SOBP: variants seen among roughly 807,000 people sequenced by gnomAD.
The protein encoded by SOBP is sine oculis-binding protein homolog.
A neutral mutation model predicts 53.6 loss-of-function variants in SOBP; 4 were observed. The observed-to-expected ratio is 0.07, with a 90% CI of 0.04 to 0.17. The LOEUF is 0.17. SOBP is among the 10% of genes least tolerant of loss of function. The pLI is 1.00. For synonymous variants in SOBP, 584 were observed against 522.6 expected (o/e 1.12, Z -1.60); for missense variants, 1,088 against 1,204.7 (o/e 0.90, Z 1.43).
intron 5 of SOBP, among the ~76,000 whole-genome samples, chr6:107,617,003 C>G (rs1786816599): frequency 1.3e-5 from 2 of 152,142 alleles, no homozygotes; most frequent in African/African-American, 4.8e-5. Context: ...CGGGCAGTTG[C>G]TGGGCTGCTG....
At chr6:107,602,247 G>A (rs1028075520) in intron 5 of SOBP, among the ~76,000 whole-genome samples, 12 of 152,198 alleles carry the variant, frequency 7.9e-5, no homozygotes. Flanking sequence ...TAAGTAATCT[G>A]CCTTTTGAAA....
chr6:107,504,940 G>C (rs1043198921), intron 2 of SOBP, among the ~76,000 whole-genome samples: 2 of 152,094 alleles, frequency 1.3e-5, no homozygotes, highest in African/African-American at 2.4e-5. Context: ...TTGCTTCTGG[G>C]GAACATACAG....
At chr6:107,533,425 T>C in intron 3 of SOBP, 34 bp from the exon 4 acceptor site, 3 of 1,612,866 alleles carry the variant, frequency 1.9e-6, no homozygotes, top group Non-Finnish European at 2.5e-6. Flanking sequence ...TGTTTGCTTC[T>C]GATATGAACA....
At chr6:107,531,801 C>G (rs1470791719) in intron 3 of SOBP, among the ~76,000 whole-genome samples, 2 of 151,916 alleles carry the variant, frequency 1.3e-5, no homozygotes, top group Non-Finnish European at 2.9e-5. Flanking sequence ...CACTTGATAA[C>G]AATAGATCAC....
chr6:107,535,638 T>TGTG (rs201971072), intron 4 of SOBP, among the ~76,000 whole-genome samples: 2,192 of 129,294 alleles, frequency 0.017, 26 homozygotes, highest in East Asian at 0.051. Flanking sequence ...TGTGTGTGTG[T>TGTG]TTTTTTTTTT....
Position 107,635,844 on chromosome 6 carries a change from G to A in SOBP, c.*3+375G>A, listed in dbSNP as rs543094173. Among the ~76,000 whole-genome samples the A allele has an allele frequency of 7.0e-4, 107 of 152,334 alleles. No individual in the cohort carries two copies. In the Middle Eastern group the frequency reaches 0.041, roughly 58 times the overall value. ...GAGGAGGATGGGGGGAGGGAGAAGA[G>A]ATTAACTTGGGACACCTAAATGTGT... On this transcript the variant is annotated intron_variant, in intron 6 of 6. Transcript: ENST00000317357. This position sits in a 1 kb window ranked among gnomAD's most constrained non-coding sequence, Gnocchi z 4.5.
chr6:107,608,888 G>T (rs924594131), intron 5 of SOBP, among the ~76,000 whole-genome samples: 2 of 152,214 alleles, frequency 1.3e-5, no homozygotes, highest in Non-Finnish European at 2.9e-5. Flanking sequence ...CAGTGAGTTT[G>T]TTCGATTTGG....
At position 107,635,996 on chromosome 6, in the gene SOBP, T is replaced by A. The variant is rs1771024350; in HGVS notation, c.*3+527T>A. 6.6e-6 allele frequency among the ~76,000 whole-genome samples: 1 copy of A among 152,198 alleles called. No homozygotes were observed. The highest frequency in any genetic ancestry group is 1.5e-5 in the Non-Finnish European group (1 of 68,038). ...TTTTCTTGATAAGGACGGGATTCCA[T>A]TTGTAAAGTGAGAATGAAACCTAAC... On this transcript the variant is annotated intron_variant, in intron 6 of 6. Transcript: ENST00000317357. The surrounding 1 kb of genome is among the most constrained non-coding windows in gnomAD (Gnocchi z 4.5).
intron 1 of SOBP, among the ~76,000 whole-genome samples, chr6:107,498,403 G>C (rs963623738): frequency 2.6e-5 from 4 of 152,108 alleles, no homozygotes; most frequent in Admixed American, 1.3e-4. Flanking sequence ...AAATCTACTT[G>C]TTGTTTTCAA....
chr6:107,661,197 T>G lies in SOBP; in HGVS notation c.*2994T>G, dbSNP rs187169094. ...CATAGAAAGATTCTGTGGCATCTCATAAGCCATCAGCACCCCTTTTCCTCC... is the reference window on the plus strand; with the variant it reads ...CATAGAAAGATTCTGTGGCATCTCAGAAGCCATCAGCACCCCTTTTCCTCC... On this transcript the variant is annotated 3_prime_UTR_variant, in exon 7 of 7. Transcript: ENST00000317357. 5.9e-5 allele frequency among the ~76,000 whole-genome samples: 9 copies of G among 152,324 alleles called. No homozygotes were observed. Among genetic ancestry groups the G allele is most frequent in the Admixed American group, 5.9e-4 (9 of 15,308 alleles).
chr6:107,532,661 A>G (rs1221262228), intron 3 of SOBP, among the ~76,000 whole-genome samples: 2 of 152,236 alleles, frequency 1.3e-5, no homozygotes, highest in Non-Finnish European at 2.9e-5. Context: ...ATTCATTCTG[A>G]GCAACCCCAT....
At chr6:107,599,022 A>G (rs1242411836) in intron 5 of SOBP, among the ~76,000 whole-genome samples, 2 of 152,196 alleles carry the variant, frequency 1.3e-5, no homozygotes, top group Non-Finnish European at 2.9e-5. Context: ...CACAAATGCA[A>G]AGTAGGAACG....
At position 107,633,884 on chromosome 6, in the gene SOBP, C is replaced by T; in HGVS notation, c.1040C>T (p.Thr347Met). The change falls in exon 6 of 7, where the codon ACG (threonine) becomes ATG (methionine). Residue 347 changes from threonine (T) to methionine (M), a missense_variant. Transcript: ENST00000317357. Reference protein sequence around the residue: ...TANCSVTKIPTPVPKSIPISE... With the variant: ...TANCSVTKIPMPVPKSIPISE... ...AACTGCTCTGTCACTAAAATCCCCACGCCAGTGCCCAAGTCCATCCCCATC... is the reference window on the plus strand; with the variant it reads ...AACTGCTCTGTCACTAAAATCCCCATGCCAGTGCCCAAGTCCATCCCCATC... 6.2e-7 allele frequency: 1 copy of T among 1,614,226 alleles called. No individual in the cohort carries two copies. The highest frequency in any genetic ancestry group is 8.5e-7 in the Non-Finnish European group (1 of 1,180,032).
chr6:107,580,232 G>A (rs1785359894), intron 4 of SOBP, among the ~76,000 whole-genome samples: 1 of 152,172 alleles, frequency 6.6e-6, no homozygotes, highest in Admixed American at 6.5e-5. Flanking sequence ...CTCTGTCCAG[G>A]AGAAAGCCCT....
chr6:107,617,820 C>CTTT (rs71551315), intron 5 of SOBP, among the ~76,000 whole-genome samples: 87 of 101,180 alleles, frequency 8.6e-4, no homozygotes, highest in Non-Finnish European at 1.1e-3. Flanking sequence ...TGTATGACTC[C>CTTT]TTTTTTTTTT....
intron 4 of SOBP, among the ~76,000 whole-genome samples, chr6:107,550,130 T>C (rs998690612): frequency 6.6e-6 from 1 of 152,222 alleles, no homozygotes; most frequent in Admixed American, 6.5e-5. Context: ...GGGCAGCTGC[T>C]AACAGGAACA....
chr6:107,584,896 A>T (rs1785519385), intron 4 of SOBP, among the ~76,000 whole-genome samples: 1 of 152,138 alleles, frequency 6.6e-6, no homozygotes, highest in South Asian at 2.1e-4. Flanking sequence ...ATCCTTAGGC[A>T]TCTGGTGTGT....
At chr6:107,630,182 C>A (rs760009233) in intron 5 of SOBP, among the ~76,000 whole-genome samples, 2 of 152,198 alleles carry the variant, frequency 1.3e-5, no homozygotes, top group African/African-American at 2.4e-5. Flanking sequence ...CCCTGCACTT[C>A]TTAATCTTTA....
intron 1 of SOBP, among the ~76,000 whole-genome samples, chr6:107,495,102 A>G (rs1469993043): frequency 6.6e-6 from 1 of 152,200 alleles, no homozygotes; most frequent in Non-Finnish European, 1.5e-5. Flanking sequence ...GAACTTAGAA[A>G]GTGGACTTAG....
Sources: allele counts gnomAD v4.1 joint callset (sites outside exome capture counted in the v4.1 genomes callset), GRCh38; gene constraint gnomAD v4.1.1; non-coding constraint Gnocchi (gnomAD v3.1); transcripts MANE v1.5; gene names NCBI Gene and HGNC (gene_info 2026-07-23, HGNC 2026-07-21).